Variants in MYPN observed in about 807,000 individuals in gnomAD.
The protein encoded by MYPN is sarcomeric protein myopalladin, 145 kDa (MYOP).
A neutral mutation model predicts 129.4 loss-of-function variants in MYPN; 63 were observed. The ratio of observed to expected loss-of-function variants is 0.49; its 90% CI spans 0.40 to 0.60. The LOEUF (loss-of-function observed/expected upper bound fraction) is 0.60. Among genes scored for constraint, MYPN ranks in the 20% least tolerant of loss-of-function variants. MYPN has a pLI of 0.00. For missense variants in MYPN, 1,596 were observed against 1,635.4 expected (o/e 0.98, Z 0.42); for synonymous variants, 629 against 600.9 (o/e 1.05, Z -0.68).
intron 1 of MYPN, chr10:68,114,119 T>G (rs1349066180): frequency 6.6e-6 from 1 of 152,196 alleles, no homozygotes; most frequent in Non-Finnish European, 1.5e-5. Context: ...ACTATTTATG[T>G]TTGAATTCAA....
At chr10:68,101,984 T>C (rs79202661), upstream of MYPN, among the ~76,000 whole-genome samples, 1,760 of 152,244 alleles carry the variant, frequency 0.012, 28 homozygotes, top group African/African-American at 0.041. Context: ...TATCACATTG[T>C]CATCTGCCTT....
At position 68,121,509 on chromosome 10, in the gene MYPN, C is replaced by T; in HGVS notation, c.71C>T (p.Thr24Ile). 1 of 1,614,188 alleles carries T rather than the reference C, an allele frequency of 6.2e-7. No homozygotes were observed. The highest frequency in any genetic ancestry group is 8.5e-7 in the Non-Finnish European group (1 of 1,180,024). The change falls in exon 2 of 20, where the codon ACC becomes ATC. Residue 24 changes from threonine (T) to isoleucine (I), a missense_variant. Coordinates refer to ENST00000358913, the MANE Select transcript of MYPN (RefSeq NM_032578.4). Reference sequence around the variant, plus strand: ...CTAAGAGAGAGCTATTTAGCTGAAACCAGACATCGGGGAAACAATGAGAGG... The same window carrying T: ...CTAAGAGAGAGCTATTTAGCTGAAATCAGACATCGGGGAAACAATGAGAGG... ...QLLRESYLAE[T>I]RHRGNNERSR...
At chr10:68,102,640 C>G (rs2041987413), upstream of MYPN, among the ~76,000 whole-genome samples, 1 of 152,014 alleles carries the variant, frequency 6.6e-6, no homozygotes, top group African/African-American at 2.4e-5. Context: ...TTCAGTGTTG[C>G]TGTTGGGAAA....
At chr10:68,126,342 C>T (rs775602802) in intron 2 of MYPN, among the ~76,000 whole-genome samples, 44 of 151,976 alleles carry the variant, frequency 2.9e-4, no homozygotes, top group Admixed American at 9.8e-4. Flanking sequence ...CAGATGACTT[C>T]GAAGAACCTT....
Position 68,174,499 on chromosome 10 carries a change from A to AC in MYPN, c.2407_2408insC (p.Ser803ThrfsTer48). 6.2e-7 allele frequency: 1 copy of AC among 1,613,956 alleles called. No homozygotes were observed. Among genetic ancestry groups the AC allele is most frequent in the Non-Finnish European group, 8.5e-7 (1 of 1,179,918 alleles). On this transcript the variant is annotated frameshift_variant, in exon 11 of 20. Transcript: ENST00000358913. LOFTEE classifies it high-confidence loss of function. ...ACCACCATTCACATTTTCCATCCCC[A>AC]GCGGAAACCAGTTTCAGCCCCGCTG... is the stretch of plus-strand genomic sequence containing the variant.
At chr10:68,208,876 T>C (rs182395862) in intron 19 of MYPN, among the ~76,000 whole-genome samples, 1 of 152,202 alleles carries the variant, frequency 6.6e-6, no homozygotes, top group Admixed American at 6.5e-5. Context: ...AATGCAGTAG[T>C]CCAGTTAAGA....
chr10:68,161,250 C>G (rs921506195), intron 7 of MYPN, among the ~76,000 whole-genome samples: 6 of 152,140 alleles, frequency 3.9e-5, no homozygotes, highest in African/African-American at 2.4e-5. Flanking sequence ...AATCCCAGCA[C>G]TTTGGGAGGC....
intron 1 of MYPN, among the ~76,000 whole-genome samples, chr10:68,097,817 T>C (rs1306916779): frequency 6.6e-6 from 1 of 152,148 alleles, no homozygotes; most frequent in African/African-American, 2.4e-5. Context: ...ATGGGGCATA[T>C]ATCAATTTCC....
At chr10:68,138,468 T>C (rs1271340076) in intron 2 of MYPN, among the ~76,000 whole-genome samples, 1 of 151,786 alleles carries the variant, frequency 6.6e-6, no homozygotes, top group East Asian at 1.9e-4. Context: ...GTAAATGCAA[T>C]AACCACTAAT....
chr10:68,106,900 T>C (rs11592680), upstream of MYPN: 63,052 of 689,882 alleles, frequency 0.091, 3,279 homozygotes, highest in Non-Finnish European at 0.12. Flanking sequence ...ATGTGTTGGA[T>C]GAGCCACTCA....
At chr10:68,186,192 C>G (rs2043418826) in intron 12 of MYPN, among the ~76,000 whole-genome samples, 1 of 152,142 alleles carries the variant, frequency 6.6e-6, no homozygotes, top group East Asian at 1.9e-4. Context: ...ATGTTAATCA[C>G]TTTTTCCACC....
intron 1 of MYPN, among the ~76,000 whole-genome samples, chr10:68,094,046 T>A (rs1038675306): frequency 6.6e-6 from 1 of 152,124 alleles, no homozygotes; most frequent in African/African-American, 2.4e-5. Context: ...AATTAGCGTA[T>A]AATGAGAAGT....
chr10:68,200,419 G>C (rs2043690053), intron 17 of MYPN, among the ~76,000 whole-genome samples: 1 of 152,166 alleles, frequency 6.6e-6, no homozygotes, highest in Admixed American at 6.5e-5. Context: ...CAGAATGCAG[G>C]AATTCTGGTG....
At chr10:68,088,202 C>A (rs996187365) in intron 1 of MYPN, among the ~76,000 whole-genome samples, 1 of 152,040 alleles carries the variant, frequency 6.6e-6, no homozygotes, top group African/African-American at 2.4e-5. Context: ...TGAATTGGGG[C>A]TCTCTGGGGT....
intron 14 of MYPN, among the ~76,000 whole-genome samples, chr10:68,195,209 C>T (rs2043583959): frequency 1.3e-5 from 2 of 152,074 alleles, no homozygotes; most frequent in Admixed American, 1.3e-4. Flanking sequence ...TTTCTTTTTA[C>T]CTTTGACTTG....
rs1160604856 is a variant in MYPN, at chr10:68,201,857, C to T, written c.3522C>T (p.Ile1174=). The change falls in exon 18 of 20, where the codon ATC becomes ATT. Residue 1174 remains isoleucine (I), a synonymous_variant. Coordinates refer to ENST00000358913, the MANE Select transcript of MYPN (RefSeq NM_032578.4). ...VAKEVKKAPV[I]LEKLQNCGVP... is the part of the protein sequence containing the mutation. ...AAGAGGTGAAGAAAGCACCTGTGAT[C>T]CTGGAGAAACTACAGAACTGCGGTG... The T allele has an allele frequency of 6.2e-7, 1 of 1,614,012 alleles. No homozygotes were observed. Among genetic ancestry groups the T allele is most frequent in the African/African-American group, 1.3e-5 (1 of 74,912 alleles).
chr10:68,139,831 C>T (rs762061836), intron 2 of MYPN, among the ~76,000 whole-genome samples: 2 of 152,184 alleles, frequency 1.3e-5, no homozygotes, highest in Non-Finnish European at 2.9e-5. Flanking sequence ...CTACCATGTG[C>T]CAGGGCACTA....
At chr10:68,193,128 T>C (rs1161079893) in intron 13 of MYPN, among the ~76,000 whole-genome samples, 1 of 152,024 alleles carries the variant, frequency 6.6e-6, no homozygotes, top group African/African-American at 2.4e-5. Context: ...TTGGAGTCTT[T>C]CTGGGTTTTT....
intron 6 of MYPN, among the ~76,000 whole-genome samples, chr10:68,150,564 C>A (rs2042752297): frequency 1.3e-5 from 2 of 152,120 alleles, no homozygotes; most frequent in Non-Finnish European, 2.9e-5. Flanking sequence ...TCCATAGTAT[C>A]AACTGTTGAG....
Sources: gnomAD v4.1 joint callset for allele counts (sites outside exome capture counted in the v4.1 genomes callset) on GRCh38, gnomAD v4.1.1 for gene constraint, MANE v1.5 for transcripts, NCBI Gene and HGNC (gene_info 2026-07-23, HGNC 2026-07-21) for gene names.